The following FBXL13 variants were observed in gnomAD, a reference collection of about 807,000 sequenced individuals.
FBXL13 encodes the protein F-box and leucine-rich repeat protein 13.
Under a neutral mutation model 83.6 loss-of-function variants are expected in FBXL13, and 67 were observed. The observed-to-expected ratio is 0.80, with a 90% CI of 0.66 to 0.98. The LOEUF (loss-of-function observed/expected upper bound fraction) is 0.98. FBXL13 is among the 50% of genes least tolerant of loss of function. FBXL13 has a pLI of 0.00. For synonymous variants in FBXL13, 272 were observed against 299.5 expected (o/e 0.91, Z 0.95); for missense variants, 822 against 866.5 (o/e 0.95, Z 0.64).
chr7:102,967,127 G>C (rs1467195504), intron 7 of FBXL13, among the ~76,000 whole-genome samples: 1 of 151,882 alleles, frequency 6.6e-6, no homozygotes, highest in East Asian at 1.9e-4. Context: ...ACGCTACCAT[G>C]CCCAGCTAAC....
chr7:102,935,242 C>T (rs200129736), intron 8 of FBXL13, among the ~76,000 whole-genome samples: 192 of 76,340 alleles, frequency 2.5e-3, no homozygotes, highest in Middle Eastern at 9.8e-3. Flanking sequence ...TTTTTTCTTT[C>T]TTTTTTTTTT....
intron 8 of FBXL13, among the ~76,000 whole-genome samples, chr7:102,937,106 TAC>T (rs1820471693): frequency 6.6e-6 from 1 of 152,178 alleles, no homozygotes; most frequent in African/African-American, 2.4e-5. Context: ...TTTCATGACA[TAC>T]ACACTTAGTA....
intron 5 of FBXL13, among the ~76,000 whole-genome samples, chr7:103,025,796 G>A (rs1435422575): frequency 6.6e-6 from 1 of 151,974 alleles, no homozygotes; most frequent in African/African-American, 2.4e-5. Flanking sequence ...GTATGTGTCT[G>A]TGTATATACA....
intron 10 of FBXL13, 137 bp downstream of exon 11, chr7:102,926,137 G>C (rs1818085939): frequency 3.0e-6 from 2 of 673,020 alleles, no homozygotes; most frequent in Non-Finnish European, 5.0e-6. Flanking sequence ...GAAAGCAGCA[G>C]ACCCCTTATC....
chr7:102,863,313 T>C (rs545425097), intron 16 of FBXL13, among the ~76,000 whole-genome samples: 1 of 152,270 alleles, frequency 6.6e-6, no homozygotes, highest in African/African-American at 2.4e-5. Context: ...ATTCAGGATA[T>C]TGGAAAATGC....
At chr7:103,037,071 A>G (rs1374517410) in intron 2 of FBXL13, among the ~76,000 whole-genome samples, 2 of 152,194 alleles carry the variant, frequency 1.3e-5, no homozygotes, top group Non-Finnish European at 2.9e-5. Context: ...AATATACATA[A>G]ATATCATATC....
rs547826596 is a variant in FBXL13 at position 102,960,469 on chromosome 7, C to T, written c.724+3064G>A. ...AATCAATAGAAAAAGAGGGAATCCT[C>T]CCTAACTCATTTTATGAGGCCAGCA... On this transcript the variant is annotated intron_variant, in intron 8 of 19. Coordinates refer to ENST00000313221, the Ensembl canonical transcript of FBXL13. 2.0e-5 allele frequency among the ~76,000 whole-genome samples: 3 copies of T among 152,052 alleles called. No homozygotes were observed. In the East Asian group the frequency reaches 5.8e-4, roughly 29 times the overall value.
intron 16 of FBXL13, among the ~76,000 whole-genome samples, chr7:102,856,008 T>C (rs1805996694): frequency 6.6e-6 from 1 of 152,188 alleles, no homozygotes; most frequent in African/African-American, 2.4e-5. Flanking sequence ...ATAAAATCTG[T>C]GAATTCTTTT....
chr7:103,030,938 C>T (rs1212264075), intron 2 of FBXL13: 2 of 151,848 alleles, frequency 1.3e-5, no homozygotes, highest in East Asian at 3.9e-4. Context: ...ATTGTTCTCC[C>T]AGTTTGCAAG....
At chr7:102,825,600 T>C (rs1799491890) in intron 18 of FBXL13, among the ~76,000 whole-genome samples, 1 of 152,198 alleles carries the variant, frequency 6.6e-6, no homozygotes, top group Admixed American at 6.5e-5. Context: ...CTTTTGTGGC[T>C]CTTGTTTACG....
At chr7:103,052,193 G>A (rs780880328) in intron 2 of FBXL13, among the ~76,000 whole-genome samples, 1 of 151,942 alleles carries the variant, frequency 6.6e-6, no homozygotes, top group African/African-American at 2.4e-5. Context: ...CAGTTATAAC[G>A]GTATGGAAAA....
chr7:102,904,066 T>C (rs907724144), intron 11 of FBXL13, among the ~76,000 whole-genome samples: 2 of 151,366 alleles, frequency 1.3e-5, no homozygotes, highest in Admixed American at 1.3e-4. Context: ...TTGAGTAGGA[T>C]TGGTATTAGT....
chr7:102,812,853 T>G (rs1392551716), downstream of FBXL13, among the ~76,000 whole-genome samples: 1 of 149,268 alleles, frequency 6.7e-6, no homozygotes, highest in East Asian at 1.9e-4. Context: ...TTTTTTTTTT[T>G]TTTTTTTGAG....
chr7:103,051,482 C>A (rs1363312304), intron 2 of FBXL13, among the ~76,000 whole-genome samples: 1 of 152,180 alleles, frequency 6.6e-6, no homozygotes, highest in African/African-American at 2.4e-5. Context: ...AGCTTACCCA[C>A]GATCCCCAGC....
intron 1 of FBXL13, among the ~76,000 whole-genome samples, chr7:103,062,966 C>G (rs1453907940): frequency 1.3e-5 from 2 of 152,222 alleles, no homozygotes; most frequent in African/African-American, 4.8e-5. Context: ...GCTGACCACT[C>G]TTGCTGTTCC....
chr7:102,952,793 G>A (rs1030914093), intron 8 of FBXL13, among the ~76,000 whole-genome samples: 1 of 152,158 alleles, frequency 6.6e-6, no homozygotes, highest in Admixed American at 6.5e-5. Flanking sequence ...AGACCACCCT[G>A]GCCAACATGG....
chr7:102,999,963 T>C (rs1790218835), intron 6 of FBXL13, among the ~76,000 whole-genome samples: 1 of 152,182 alleles, frequency 6.6e-6, no homozygotes, highest in Non-Finnish European at 1.5e-5. Flanking sequence ...TTTTCCAGTT[T>C]CTTGAGGTGG....
intron 19 of FBXL13, 49 bp downstream of exon 20, chr7:102,821,991 T>A: frequency 6.3e-7 from 1 of 1,577,716 alleles, no homozygotes; most frequent in South Asian, 1.1e-5. Flanking sequence ...TACTATGTTT[T>A]CTCAGAAAGT....
At chr7:102,920,586 A>C (rs1178229588) in intron 10 of FBXL13, among the ~76,000 whole-genome samples, 3 of 152,114 alleles carry the variant, frequency 2.0e-5, no homozygotes, top group Admixed American at 2.0e-4. Flanking sequence ...CCTGGGCTCA[A>C]GTAGTCCGCC....
Sources: gnomAD v4.1 joint callset for allele counts (sites outside exome capture counted in the v4.1 genomes callset) on GRCh38, gnomAD v4.1.1 for gene constraint, MANE v1.5 for transcripts, NCBI Gene and HGNC (gene_info 2026-07-23, HGNC 2026-07-21) for gene names.